EPB41: variants seen among roughly 807,000 people sequenced by gnomAD.
EPB41 encodes protein 4.1.
EPB41 carries 65 observed loss-of-function variants against 108.0 expected under a neutral mutation model. The ratio of observed to expected loss-of-function variants is 0.60; its 90% confidence interval spans 0.49 to 0.74. The LOEUF (loss-of-function observed/expected upper bound fraction) is 0.74. EPB41 is among the 30% of genes least tolerant of loss of function. The pLI is 0.00. For synonymous variants in EPB41, 336 were observed against 358.9 expected, an observed-to-expected ratio of 0.94 and a Z score of 0.72; for missense variants, 875 against 1,037.0, an observed-to-expected ratio of 0.84 and a Z score of 2.15.
chr1:29,069,561 A>G, intron 16 of EPB41: 7 of 594,860 alleles, frequency 1.2e-5, no homozygotes, highest in Non-Finnish European at 1.3e-5. Flanking sequence ...TGGAGCAAAA[A>G]CTAATTGCTA....
chr1:28,889,317 A>C (rs1436810264), intron 1 of EPB41, among the ~76,000 whole-genome samples: 1 of 152,186 alleles, frequency 6.6e-6, no homozygotes, highest in African/African-American at 2.4e-5. Context: ...GAGCCAGGCA[A>C]CACCTGCCAG....
chr1:28,921,961 T>TATATATATATATATATATATATATGC (rs770764638), intron 1 of EPB41, among the ~76,000 whole-genome samples: 10 of 109,932 alleles, frequency 9.1e-5, no homozygotes, highest in Admixed American at 4.6e-4. Flanking sequence ...TATATATATA[T>TATATATATATATATATATATATATGC]ACACTTTTTT....
intron 18 of EPB41, among the ~76,000 whole-genome samples, chr1:29,110,096 G>A (rs1182390134): frequency 6.6e-6 from 1 of 151,676 alleles, no homozygotes; most frequent in African/African-American, 2.4e-5. Flanking sequence ...AGTACTTTGG[G>A]AGGCTGAGAC....
intron 1 of EPB41, among the ~76,000 whole-genome samples, chr1:28,923,111 CTT>C (rs1226949675): frequency 1.2e-4 from 7 of 60,606 alleles, no homozygotes; most frequent in South Asian, 7.7e-4. Flanking sequence ...CTTTTCTTTT[CTT>C]TTTTTTTTTT....
At chr1:28,988,031 G>A in intron 2 of EPB41, 126 bp downstream of exon 2, 1 of 982,314 alleles carries the variant, frequency 1.0e-6, no homozygotes, top group Non-Finnish European at 1.6e-6. Flanking sequence ...GGGAGGCCGA[G>A]GCAGGCGGAT....
chr1:28,940,426 C>T (rs157204), intron 1 of EPB41, among the ~76,000 whole-genome samples: 18,283 of 151,904 alleles, frequency 0.12, 1,486 homozygotes, highest in African/African-American at 0.24. Context: ...CCGAGGTGGG[C>T]GGATCACCTG....
At chr1:29,038,680 A>ACTAT (rs35495713) in intron 10 of EPB41, among the ~76,000 whole-genome samples, 9 of 152,364 alleles carry the variant, frequency 5.9e-5, no homozygotes, top group Admixed American at 5.9e-4. Context: ...GGAGACCAGC[A>ACTAT]TAGAAATAGA....
intron 16 of EPB41, chr1:29,097,387 C>G (rs1308673981): frequency 4.7e-6 from 1 of 214,660 alleles, no homozygotes; most frequent in Non-Finnish European, 9.5e-6. Context: ...ATTGCCACTG[C>G]TGTTTCATGT....
intron 11 of EPB41, among the ~76,000 whole-genome samples, chr1:29,047,657 A>G (rs1478864491): frequency 1.3e-5 from 2 of 152,072 alleles, no homozygotes; most frequent in African/African-American, 2.4e-5. Flanking sequence ...AGCAGGGTCC[A>G]CTTTTGCATT....
chr1:28,934,666 TTG>T lies in EPB41; in HGVS notation c.-8+19936_-8+19937del, dbSNP rs1204147204. Among the ~76,000 whole-genome samples the T allele has an allele frequency of 6.7e-3, 915 of 136,366 alleles. 5 individuals carry two copies. The highest frequency in any genetic ancestry group is 0.014 in the South Asian group (57 of 4,204). The allele number at this position is 136,366 out of a possible 152,430, so 89.5% of individuals were successfully genotyped here. On this transcript the variant is annotated intron_variant, in intron 1 of 20. Transcript: ENST00000343067. ...TGGTTGGCCTCTGGTTCTTTTGACATTGTGTGTGTGTGTGTGTGTGTGTGTGT... is the reference window on the plus strand; with the variant it reads ...TGGTTGGCCTCTGGTTCTTTTGACATTGTGTGTGTGTGTGTGTGTGTGTGT...
At chr1:28,995,500 T>G (rs2096148352) in intron 3 of EPB41, among the ~76,000 whole-genome samples, 2 of 152,152 alleles carry the variant, frequency 1.3e-5, no homozygotes, top group African/African-American at 4.8e-5. Flanking sequence ...AGGTAGAGGT[T>G]GCAGTGAGCT....
upstream of EPB41, among the ~76,000 whole-genome samples, chr1:28,912,500 CCT>C (rs2092308769): frequency 6.6e-6 from 1 of 152,150 alleles, no homozygotes. Context: ...CAGTTCCACA[CCT>C]CTCAGTCCAC....
Position 29,064,974 on chromosome 1 carries a change from A to G in EPB41, c.2008-8A>G. On this transcript the variant is annotated splice_region_variant and splice_polypyrimidine_tract_variant and intron_variant, in intron 15 of 20. Transcript: ENST00000343067. ...TATTGTTTTGCATCTTTGTCCTTTCAACTGTAGGATTTAGACAAGAGTCAA... is the reference window on the plus strand; with the variant it reads ...TATTGTTTTGCATCTTTGTCCTTTCGACTGTAGGATTTAGACAAGAGTCAA... The G allele has an allele frequency of 6.2e-7, 1 of 1,613,780 alleles. No homozygotes were observed. The highest frequency in any genetic ancestry group is 1.1e-5 in the South Asian group (1 of 91,020).
At chr1:29,067,981 A>T (rs1173613741) in intron 16 of EPB41, among the ~76,000 whole-genome samples, 1 of 152,152 alleles carries the variant, frequency 6.6e-6, no homozygotes, top group Admixed American at 6.5e-5. Context: ...TGTCAGTAGG[A>T]TACTTAATTT....
At chr1:29,096,171 G>A (rs1663163570) in intron 16 of EPB41, 8 of 985,740 alleles carry the variant, frequency 8.1e-6, no homozygotes, top group Middle Eastern at 5.2e-4. Flanking sequence ...AATGGCATTC[G>A]CACAGAGGAG....
intron 1 of EPB41, among the ~76,000 whole-genome samples, chr1:28,944,967 T>C (rs1240808422): frequency 6.6e-6 from 1 of 151,766 alleles, no homozygotes; most frequent in East Asian, 1.9e-4. Context: ...GGTGTGCGCC[T>C]GTAGTTCCAC....
intron 4 of EPB41, among the ~76,000 whole-genome samples, chr1:29,002,073 G>A (rs2096304318): frequency 6.6e-6 from 1 of 152,122 alleles, no homozygotes; most frequent in Admixed American, 6.6e-5. Flanking sequence ...TGGTAAAATG[G>A]GAATGATAAT....
At chr1:28,991,837 C>T (rs530175021) in intron 2 of EPB41, among the ~76,000 whole-genome samples, 16 of 152,092 alleles carry the variant, frequency 1.1e-4, no homozygotes, top group Non-Finnish European at 2.1e-4. Flanking sequence ...AGGCCAGGTA[C>T]TATTATCCTC....
intron 9 of EPB41, among the ~76,000 whole-genome samples, chr1:29,034,460 G>A (rs1638611166): frequency 6.6e-6 from 1 of 152,128 alleles, no homozygotes; most frequent in African/African-American, 2.4e-5. Flanking sequence ...GTAAAAATCT[G>A]GTTCTGTCAT....
Sources: allele counts gnomAD v4.1 joint callset (sites outside exome capture counted in the v4.1 genomes callset), GRCh38; gene constraint gnomAD v4.1.1; transcripts MANE v1.5; gene names NCBI Gene and HGNC (gene_info 2026-07-23, HGNC 2026-07-21).